Variants in RALGAPA1 observed in about 807,000 individuals in gnomAD.
The protein encoded by RALGAPA1 is Ral GTPase activating protein catalytic subunit alpha 1, also known as ral GTPase-activating protein subunit alpha-1.
In RALGAPA1, 52 loss-of-function variants were observed where a neutral mutation model predicts 269.6. The observed-to-expected ratio is 0.19, with a 90% CI of 0.15 to 0.24. The LOEUF is 0.24. RALGAPA1 is among the 10% of genes least tolerant of loss of function. The probability of loss-of-function intolerance (pLI) is 1.00; values close to 1 mark genes in which losing one functional copy is unlikely to be tolerated. For synonymous variants in RALGAPA1, 817 were observed against 1,008.3 expected (o/e 0.81, Z 3.60); for missense variants, 1,917 against 3,013.9 (o/e 0.64, Z 8.52).
At chr14:35,719,742 TTTC>T (rs2069195935) in intron 16 of RALGAPA1, among the ~76,000 whole-genome samples, 2 of 152,204 alleles carry the variant, frequency 1.3e-5, no homozygotes, top group East Asian at 3.9e-4. Flanking sequence ...AAAAGAACAA[TTTC>T]TTCTTTTTTT....
chr14:35,766,422 C>T, intron 4 of RALGAPA1: 4 of 1,575,172 alleles, frequency 2.5e-6, no homozygotes, highest in Non-Finnish European at 3.5e-6. Context: ...AGTACAGTCT[C>T]TTTGGTCCAA....
At chr14:35,574,803 T>G (rs77598147) in intron 37 of RALGAPA1, among the ~76,000 whole-genome samples, 3,369 of 152,202 alleles carry the variant, frequency 0.022, 123 homozygotes, top group South Asian at 0.14. Flanking sequence ...TTGATTTTAT[T>G]TATTCCTTAT....
At chr14:35,551,974 A>G (rs2055055795) in intron 39 of RALGAPA1, among the ~76,000 whole-genome samples, 2 of 152,198 alleles carry the variant, frequency 1.3e-5, no homozygotes, top group South Asian at 4.1e-4. Flanking sequence ...TGAAAAAACT[A>G]CAGTGCTCAT....
chr14:35,541,954 T>C lies in RALGAPA1; in HGVS notation c.*24-2264A>G, dbSNP rs899745388. ...GAATCAAGGTTTTTATTATGAAATA[T>C]AATTGGGCATGCAATGCATTAGGGT... is the stretch of plus-strand genomic sequence containing the variant. On this transcript the variant is annotated intron_variant, in intron 41 of 41. Transcript: ENST00000680220. The C allele has an allele frequency of 7.0e-6, 7 of 994,608 alleles. No individual in the cohort carries two copies. The Admixed American group carries it at 1.7e-4, about 24-fold the overall frequency. The allele number at this position is 994,608 out of a possible 1,614,324, so 61.6% of individuals were successfully genotyped here.
chr14:35,578,164 T>C (rs2057702946), intron 37 of RALGAPA1, among the ~76,000 whole-genome samples: 1 of 152,220 alleles, frequency 6.6e-6, no homozygotes, highest in South Asian at 2.1e-4. Flanking sequence ...CAAAGCTTTG[T>C]GTACAGTGGA....
rs367750787 is a variant in RALGAPA1, at chr14:35,678,054, T to C, written c.4520A>G (p.Gln1507Arg). Reference sequence around the variant, plus strand: ...ATTCAATGTAGAAGGGGAAGGAGTCTGTGACCTGGAGCCCAGAGGTGAGTG... The same window carrying C: ...ATTCAATGTAGAAGGGGAAGGAGTCCGTGACCTGGAGCCCAGAGGTGAGTG... ...PVHSPLGSRS[Q>R]TPSPSTLNID... Residue 1507 changes from glutamine (Q) to arginine (R), a missense_variant, in exon 22 of 42, where the codon CAG becomes CGG. This residue lies in a region of RALGAPA1 where 615 missense variants were observed against 790.0 expected (regional missense o/e 0.78). Coordinates refer to ENST00000680220, the MANE Select transcript of RALGAPA1 (RefSeq NM_001346249.2). 11 of 1,610,590 alleles carry C rather than the reference T, an allele frequency of 6.8e-6. No homozygotes were observed. The African/African-American group carries it at 1.3e-4, about 20-fold the overall frequency.
rs113078375 is a variant in RALGAPA1 at position 35,765,915 on chromosome 14, A to G, written c.326-3162T>C. ...AACAAATTTAGATGAGTTTGCTATG[A>G]GATCTGGAAATGCAGAAGGCGTATT... On this transcript the variant is annotated intron_variant, in intron 4 of 41. Coordinates refer to ENST00000680220, the MANE Select transcript of RALGAPA1 (RefSeq NM_001346249.2). 5.7e-3 allele frequency: 6,641 copies of G among 1,169,566 alleles called. 194 individuals are homozygous for G. The African/African-American group carries it at 0.072, about 13-fold the overall frequency. The allele number at this position is 1,169,566 out of a possible 1,614,324, so 72.4% of individuals were successfully genotyped here. A position where few individuals can be genotyped will look rare whatever the true frequency, so the allele number is the denominator to read the frequency against.
In RALGAPA1 at chr14:35,756,858, C is replaced by A. The variant is rs1439755287; in HGVS notation, c.598G>T (p.Asp200Tyr). The change falls in exon 7 of 42, where the codon GAT (aspartate) becomes TAT (tyrosine). Residue 200 changes from aspartate (D) to tyrosine (Y), a missense_variant. Coordinates refer to ENST00000680220, the MANE Select transcript of RALGAPA1 (RefSeq NM_001346249.2). ...ITPLVPPQSG[D>Y]KGQEDLTSYF... ...CTTGTGAGATCTTCTTGCCCTTTATCTCCTGATTGTGGGGGGACAAGAGGA... is the reference window on the plus strand; with the variant it reads ...CTTGTGAGATCTTCTTGCCCTTTATATCCTGATTGTGGGGGGACAAGAGGA... 6.2e-7 allele frequency: 1 copy of A among 1,611,472 alleles called. No individual in the cohort carries two copies. The highest frequency in any genetic ancestry group is 8.5e-7 in the Non-Finnish European group (1 of 1,178,888).
intron 26 of RALGAPA1, among the ~76,000 whole-genome samples, chr14:35,667,576 G>A (rs1249328190): frequency 6.6e-6 from 1 of 152,094 alleles, no homozygotes; most frequent in African/African-American, 2.4e-5. Context: ...AGTAGGTCCA[G>A]GATGGGGTCT....
chr14:35,608,411 G>C (rs1310832426), intron 35 of RALGAPA1, among the ~76,000 whole-genome samples: 1 of 152,096 alleles, frequency 6.6e-6, no homozygotes, highest in Non-Finnish European at 1.5e-5. Flanking sequence ...CTAATTACTG[G>C]GGGGAAACCA....
At chr14:35,721,979 G>C (rs556448230) in intron 15 of RALGAPA1, 130 bp from the exon 16 acceptor site, 1 of 703,526 alleles carries the variant, frequency 1.4e-6, no homozygotes, top group South Asian at 1.9e-5. Flanking sequence ...ACAAAACGCT[G>C]TGTACTGTAA....
chr14:35,658,095 A>G (rs2140092243), intron 28 of RALGAPA1, among the ~76,000 whole-genome samples: 1 of 152,342 alleles, frequency 6.6e-6, no homozygotes, highest in Admixed American at 6.5e-5. Context: ...AACTGGAAGA[A>G]GAGGGTGATT....
intron 39 of RALGAPA1, among the ~76,000 whole-genome samples, chr14:35,563,045 AAAAG>A (rs1333627893): frequency 9.5e-5 from 14 of 147,936 alleles, no homozygotes; most frequent in African/African-American, 3.6e-4. Context: ...AAAAAAAAAA[AAAAG>A]AATCCATGCT....
At chr14:35,709,348 T>C (rs1040364630) in intron 16 of RALGAPA1, among the ~76,000 whole-genome samples, 1 of 152,008 alleles carries the variant, frequency 6.6e-6, no homozygotes, top group Non-Finnish European at 1.5e-5. Context: ...TAAATATATA[T>C]ACCTACTATA....
At chr14:35,652,603 A>C (rs4982301) in intron 30 of RALGAPA1, among the ~76,000 whole-genome samples, 52,358 of 151,176 alleles carry the variant, frequency 0.35, 12,465 homozygotes, top group African/African-American at 0.67. Flanking sequence ...CGGAGTTTCA[A>C]CATGTTGGCC....
chr14:35,752,517 T>C (rs993317270), intron 7 of RALGAPA1, among the ~76,000 whole-genome samples: 1 of 152,088 alleles, frequency 6.6e-6, no homozygotes, highest in East Asian at 1.9e-4. Context: ...GGTGTGTGTA[T>C]GTAAGCAGTA....
At chr14:35,548,089 A>G (rs2139078201) in intron 41 of RALGAPA1, among the ~76,000 whole-genome samples, 1 of 152,250 alleles carries the variant, frequency 6.6e-6, no homozygotes. Context: ...TCATCTTTGT[A>G]TTTCAGGTGC....
chr14:35,780,082 G>A (rs1369919554), intron 1 of RALGAPA1, among the ~76,000 whole-genome samples: 1 of 150,810 alleles, frequency 6.6e-6, no homozygotes, highest in African/African-American at 2.5e-5. Context: ...ACTCCAGCCT[G>A]GGTAACAGAG....
intron 27 of RALGAPA1, among the ~76,000 whole-genome samples, chr14:35,662,810 A>C (rs970291041): frequency 6.6e-6 from 1 of 152,168 alleles, no homozygotes; most frequent in African/African-American, 2.4e-5. Context: ...CAAAACAAAA[A>C]AAGCCATAGC....
Sources: allele counts gnomAD v4.1 joint callset (sites outside exome capture counted in the v4.1 genomes callset), GRCh38; gene constraint gnomAD v4.1.1; regional missense constraint gnomAD v4.1.1; transcripts MANE v1.5; gene names NCBI Gene and HGNC (gene_info 2026-07-23, HGNC 2026-07-21).